Variants in LRRC3B observed in about 807,000 individuals in gnomAD.
The protein encoded by LRRC3B is leucine rich repeat containing 3B.
In LRRC3B, 2 loss-of-function variants were observed where a neutral mutation model predicts 12.8. The observed-to-expected ratio is 0.16, with a 90% confidence interval of 0.06 to 0.49. The LOEUF is 0.49. Ranked by LOEUF, LRRC3B falls within the 20% of genes least tolerant of loss-of-function variation. LRRC3B has a pLI of 0.96. For synonymous variants in LRRC3B, 132 were observed against 122.0 expected (o/e 1.08, Z -0.54); for missense variants, 189 against 319.4 (o/e 0.59, Z 3.11).
At chr3:26,692,607 T>C (rs2125450488) in intron 1 of LRRC3B, among the ~76,000 whole-genome samples, 1 of 152,344 alleles carries the variant, frequency 6.6e-6, no homozygotes, top group African/African-American at 2.4e-5. Flanking sequence ...ATGAGGTTTC[T>C]ATTATACTTT....
At chr3:26,631,852 A>G (rs545065247) in intron 1 of LRRC3B, among the ~76,000 whole-genome samples, 2 of 152,292 alleles carry the variant, frequency 1.3e-5, no homozygotes, top group South Asian at 4.1e-4. Flanking sequence ...CGTAAGAGGG[A>G]AATTAGGAGT....
intron 1 of LRRC3B, among the ~76,000 whole-genome samples, chr3:26,641,081 G>C (rs1430776576): frequency 6.6e-6 from 1 of 152,192 alleles, no homozygotes; most frequent in Non-Finnish European, 1.5e-5. Flanking sequence ...GAAGGAAGCT[G>C]GTGAAGAAAT....
chr3:26,626,086 A>G (rs550147011), intron 1 of LRRC3B, among the ~76,000 whole-genome samples: 3 of 152,288 alleles, frequency 2.0e-5, no homozygotes, highest in Admixed American at 6.5e-5. Context: ...GCGGCGTACT[A>G]TAAGTGCCAG....
chr3:26,698,766 A>G (rs766120667), intron 1 of LRRC3B, among the ~76,000 whole-genome samples: 5 of 152,164 alleles, frequency 3.3e-5, no homozygotes, highest in Non-Finnish European at 7.4e-5. Context: ...TGCGGTTGTC[A>G]AGACACTTTA....
At chr3:26,647,023 C>T (rs571011596) in intron 1 of LRRC3B, among the ~76,000 whole-genome samples, 7 of 152,230 alleles carry the variant, frequency 4.6e-5, no homozygotes, top group African/African-American at 9.6e-5. Flanking sequence ...TCTTTCCATC[C>T]GCTCCCTCAG....
rs184835727 is a variant in LRRC3B at position 26,686,368 on chromosome 3, C to T, written c.-160-23145C>T. ...TGCTGGGATTACAGGCGTGAGCCAC[C>T]GCGCCCGGCCGGTAAATGGTTATTT... is the stretch of plus-strand genomic sequence containing the variant. On this transcript the variant is annotated intron_variant, in intron 1 of 1. Transcript: ENST00000396641. Among the ~76,000 whole-genome samples the T allele has an allele frequency of 1.8e-4, 28 of 152,282 alleles. No individual in the cohort carries two copies. The East Asian group carries it at 3.5e-3, about 19-fold the overall frequency.
chr3:26,687,286 G>T (rs1375430183), intron 1 of LRRC3B, among the ~76,000 whole-genome samples: 1 of 152,122 alleles, frequency 6.6e-6, no homozygotes, highest in East Asian at 1.9e-4. Context: ...GCCTTTGCTT[G>T]CTTCTGCTTT....
intron 1 of LRRC3B, among the ~76,000 whole-genome samples, chr3:26,644,088 C>T (rs570089639): frequency 6.6e-6 from 1 of 152,212 alleles, no homozygotes; most frequent in South Asian, 2.1e-4. Context: ...AAAAATAAAA[C>T]AAGCATAACA....
chr3:26,659,214 G>A (rs1002964473), intron 1 of LRRC3B, among the ~76,000 whole-genome samples: 6 of 152,122 alleles, frequency 3.9e-5, no homozygotes, highest in Non-Finnish European at 8.8e-5. Context: ...ACTGAATAAA[G>A]AAACTGAATC....
chr3:26,668,011 T>C (rs1423735388), intron 1 of LRRC3B, among the ~76,000 whole-genome samples: 1 of 152,132 alleles, frequency 6.6e-6, no homozygotes, highest in Non-Finnish European at 1.5e-5. Flanking sequence ...GAACCTGCCA[T>C]TAATTTTTGC....
At chr3:26,642,692 T>C (rs942466564) in intron 1 of LRRC3B, among the ~76,000 whole-genome samples, 1 of 151,988 alleles carries the variant, frequency 6.6e-6, no homozygotes, top group African/African-American at 2.4e-5. Flanking sequence ...TGACTGGACT[T>C]TAAGAATATC....
chr3:26,628,484 T>TA (rs1228402899), intron 1 of LRRC3B, among the ~76,000 whole-genome samples: 1 of 150,498 alleles, frequency 6.6e-6, no homozygotes, highest in Non-Finnish European at 1.5e-5. Flanking sequence ...TGATTTTATT[T>TA]AAAAAAATAT....
At chr3:26,664,950 T>A (rs942118607) in intron 1 of LRRC3B, among the ~76,000 whole-genome samples, 3 of 151,288 alleles carry the variant, frequency 2.0e-5, no homozygotes, top group Non-Finnish European at 1.5e-5. Context: ...CTAGTAGGTC[T>A]GGGATAGGGT....
chr3:26,704,043 C>G (rs1298045068), intron 1 of LRRC3B, among the ~76,000 whole-genome samples: 3 of 152,036 alleles, frequency 2.0e-5, no homozygotes, highest in Non-Finnish European at 4.4e-5. Flanking sequence ...CTCTTCTCCC[C>G]CTGACAGCCC....
chr3:26,629,073 A>G (rs545466651), intron 1 of LRRC3B, among the ~76,000 whole-genome samples: 1 of 152,316 alleles, frequency 6.6e-6, no homozygotes, highest in Non-Finnish European at 1.5e-5. Flanking sequence ...AACAAATATT[A>G]TTTAAAAATG....
chr3:26,672,632 A>AATTT (rs1699771996), intron 1 of LRRC3B, among the ~76,000 whole-genome samples: 1 of 152,134 alleles, frequency 6.6e-6, no homozygotes, highest in African/African-American at 2.4e-5. Flanking sequence ...TAAAATCTCA[A>AATTT]ATTTATTATC....
intron 1 of LRRC3B, among the ~76,000 whole-genome samples, chr3:26,696,312 G>A (rs776303643): frequency 3.3e-5 from 5 of 152,098 alleles, no homozygotes; most frequent in Admixed American, 6.5e-5. Flanking sequence ...TATGAATTAT[G>A]CATTTTTTTA....
rs896033668 is a variant in LRRC3B, at chr3:26,667,524, C to G, written c.-160-41989C>G. 3.9e-4 allele frequency among the ~76,000 whole-genome samples: 60 copies of G among 152,172 alleles called. 2 individuals carry two copies. Among genetic ancestry groups the G allele is most frequent in the Non-Finnish European group, 2.9e-5 (2 of 68,030 alleles). On this transcript the variant is annotated intron_variant, in intron 1 of 1. Transcript: ENST00000396641. ...TCAGGGACTTAGGCTCCTTCCAGCT[C>G]ACTGTTCTACCATCCCTAAAGTATG... is the stretch of plus-strand genomic sequence containing the variant.
At chr3:26,670,031 T>G (rs1191600317) in intron 1 of LRRC3B, among the ~76,000 whole-genome samples, 1 of 152,232 alleles carries the variant, frequency 6.6e-6, no homozygotes, top group East Asian at 1.9e-4. Context: ...GTATTAATAT[T>G]CCTGATGTTT....
Sources: allele counts gnomAD v4.1 joint callset (sites outside exome capture counted in the v4.1 genomes callset), GRCh38; gene constraint gnomAD v4.1.1; transcripts MANE v1.5; gene names NCBI Gene and HGNC (gene_info 2026-07-23, HGNC 2026-07-21).